The following GLRA2 variants were observed in gnomAD, a reference collection of about 807,000 sequenced individuals.
The protein encoded by GLRA2 is glycine receptor subunit alpha-2.
A neutral mutation model predicts 31.6 loss-of-function variants in GLRA2; 11 were observed. That is an observed-to-expected ratio of 0.35 (90% CI 0.22 to 0.58). GLRA2 has a LOEUF of 0.58. Among genes scored for constraint, GLRA2 ranks in the 20% least tolerant of loss-of-function variants. The pLI is 0.84. For missense variants in GLRA2, 212 were observed against 351.8 expected, an observed-to-expected ratio of 0.60 and a Z score of 3.18; for synonymous variants, 132 against 134.0, an observed-to-expected ratio of 0.99 and a Z score of 0.10.
chrX:14,469,860 AAAC>A, the GLRA2 span, among the ~76,000 whole-genome samples: 1 of 110,875 alleles, frequency 9.0e-6, no homozygotes, highest in Non-Finnish European at 1.9e-5. Flanking sequence ...ATTTAAAAAA[AAAC>A]AAAGCTAATA....
Position 14,706,269 on chromosome X carries a change from A to ACATGCTTT in GLRA2, c.1080+15410_1080+15411insCATGCTTT, listed in dbSNP as rs371944331. Among the ~76,000 whole-genome samples the ACATGCTTT allele has an allele frequency of 3.2e-3, 355 of 111,693 alleles. 1 individual carries two copies. Among genetic ancestry groups the ACATGCTTT allele is most frequent in the African/African-American group, 0.011 (323 of 30,724 alleles). ...CCTACCCCAGACGTGTGGAATCAAA[A>ACATGCTTT]ATAACAGGATTCTCAGGAGATTCAC... On this transcript the variant is annotated intron_variant, in intron 8 of 8. Transcript: ENST00000218075.
At chrX:14,525,770 C>T (rs1165154418), upstream of GLRA2, among the ~76,000 whole-genome samples, 5 of 111,787 alleles carry the variant, frequency 4.5e-5, no homozygotes, top group South Asian at 1.5e-3. Context: ...AATCACAGAT[C>T]TTAACTTGTT....
At chrX:14,704,546 C>T (rs1356026373) in intron 8 of GLRA2, among the ~76,000 whole-genome samples, 1 of 112,215 alleles carries the variant, frequency 8.9e-6, no homozygotes, top group East Asian at 2.8e-4. Flanking sequence ...TAATTTGTCT[C>T]TATCACTGTT....
At chrX:14,677,395 C>CT (rs1271364537) in intron 7 of GLRA2, among the ~76,000 whole-genome samples, 2 of 111,682 alleles carry the variant, frequency 1.8e-5, no homozygotes, top group African/African-American at 6.5e-5. Context: ...GTATCCTATA[C>CT]TTTAGTTGGG....
At chrX:14,455,734 A>G in the GLRA2 span, among the ~76,000 whole-genome samples, 2 of 111,934 alleles carry the variant, frequency 1.8e-5, no homozygotes, top group African/African-American at 6.5e-5. Context: ...TCATTTTATC[A>G]TGAATTTGTG....
At chrX:14,600,624 G>A (rs923324179) in intron 4 of GLRA2, among the ~76,000 whole-genome samples, 1 of 110,871 alleles carries the variant, frequency 9.0e-6, no homozygotes, top group African/African-American at 3.3e-5. Flanking sequence ...AGAATGTGGA[G>A]TTATTAAATC....
At chrX:14,623,388 T>C (rs1409946158) in intron 7 of GLRA2, among the ~76,000 whole-genome samples, 2 of 111,397 alleles carry the variant, frequency 1.8e-5, no homozygotes, top group Non-Finnish European at 3.8e-5. Flanking sequence ...AACACTATGT[T>C]GAATAGGAGT....
chrX:14,490,474 A>T, the GLRA2 span, among the ~76,000 whole-genome samples: 2 of 112,559 alleles, frequency 1.8e-5, no homozygotes, highest in Non-Finnish European at 3.8e-5. Context: ...TCTGATATGT[A>T]TCTTTTCCTT....
chrX:14,712,170 C>T (rs1193978012), intron 8 of GLRA2, among the ~76,000 whole-genome samples: 1 of 112,773 alleles, frequency 8.9e-6, no homozygotes, highest in African/African-American at 3.2e-5. Context: ...TTGTCTGTAT[C>T]AGGGTTTCCC....
At chrX:14,693,439 C>G (rs5980062) in intron 8 of GLRA2, among the ~76,000 whole-genome samples, 2 of 110,150 alleles carry the variant, frequency 1.8e-5, no homozygotes, top group Admixed American at 9.7e-5. Context: ...ATAGATATGT[C>G]TACAACGAAT....
the GLRA2 span, among the ~76,000 whole-genome samples, chrX:14,479,594 C>A: frequency 9.0e-6 from 1 of 111,154 alleles, no homozygotes; most frequent in Non-Finnish European, 1.9e-5. Context: ...CCATGAGTAC[C>A]CAATGTTTAC....
intron 1 of GLRA2, chrX:14,530,848 A>G: frequency 5.6e-6 from 2 of 359,247 alleles, no homozygotes; most frequent in Non-Finnish European, 7.5e-6. Flanking sequence ...AATCATTACC[A>G]GTAAGTGAAA....
intron 7 of GLRA2, among the ~76,000 whole-genome samples, chrX:14,636,002 C>T (rs958743984): frequency 3.6e-5 from 4 of 111,426 alleles, no homozygotes; most frequent in Non-Finnish European, 5.7e-5. Flanking sequence ...CAGGAGCCAA[C>T]TGAATGAGTT....
intron 7 of GLRA2, among the ~76,000 whole-genome samples, chrX:14,623,140 GCTCT>G (rs755237443): frequency 9.0e-5 from 10 of 111,427 alleles, no homozygotes; most frequent in African/African-American, 2.6e-4. Flanking sequence ...TCACGATTTT[GCTCT>G]CTATTTGTCT....
At chrX:14,716,707 C>A (rs1302303955) in intron 8 of GLRA2, among the ~76,000 whole-genome samples, 1 of 111,316 alleles carries the variant, frequency 9.0e-6, no homozygotes, top group Non-Finnish European at 1.9e-5. Flanking sequence ...CTCTGGTGAG[C>A]AAAGATAATA....
chrX:14,598,676 C>T (rs2090235196), intron 4 of GLRA2, among the ~76,000 whole-genome samples: 3 of 111,411 alleles, frequency 2.7e-5, no homozygotes, highest in Middle Eastern at 4.6e-3. Flanking sequence ...TGACTGGCCT[C>T]GTCCCTTCTA....
Position 14,604,137 on chromosome X carries a change from A to G in GLRA2, c.495-178A>G, listed in dbSNP as rs987552890. 2.7e-5 allele frequency among the ~76,000 whole-genome samples: 3 copies of G among 110,581 alleles called. No individual in the cohort carries two copies. The Admixed American group carries it at 2.9e-4, about 11-fold the overall frequency. ...GGTGAAATACTACAATATTTAAAAA[A>G]TTTATCAGTGACTGTTCTTCATTTT... On this transcript the variant is annotated intron_variant, in intron 4 of 8. Coordinates refer to ENST00000218075, the MANE Select transcript of GLRA2 (RefSeq NM_002063.4).
intron 7 of GLRA2, among the ~76,000 whole-genome samples, chrX:14,623,904 G>A (rs1196593597): frequency 9.0e-6 from 1 of 111,643 alleles, no homozygotes; most frequent in African/African-American, 3.3e-5. Context: ...CTATTGATTG[G>A]AAGAGTTTCA....
At chrX:14,451,271 T>C in the GLRA2 span, among the ~76,000 whole-genome samples, 3 of 111,006 alleles carry the variant, frequency 2.7e-5, no homozygotes, top group Non-Finnish European at 5.7e-5. Flanking sequence ...AACAACATGA[T>C]AGGATCAAAA....
Sources: allele counts gnomAD v4.1 joint callset (sites outside exome capture counted in the v4.1 genomes callset), GRCh38; gene constraint gnomAD v4.1.1; transcripts MANE v1.5; gene names NCBI Gene and HGNC (gene_info 2026-07-23, HGNC 2026-07-21).